The following KIF9 variants were observed in gnomAD, a reference collection of about 807,000 sequenced individuals.
KIF9 encodes kinesin-like protein KIF9.
A neutral mutation model predicts 94.8 loss-of-function variants in KIF9; 68 were observed. The ratio of observed to expected loss-of-function variants is 0.72; its 90% CI spans 0.59 to 0.88. The LOEUF is 0.88. KIF9 is among the 40% of genes least tolerant of loss of function. The pLI, the probability that KIF9 is intolerant of heterozygous loss-of-function variation, is 0.00. For synonymous variants in KIF9, 343 were observed against 362.1 expected, an observed-to-expected ratio of 0.95 and a Z score of 0.60; for missense variants, 882 against 982.5, an observed-to-expected ratio of 0.90 and a Z score of 1.37.
chr3:47,260,307 G>GA (rs1700885228), intron 9 of KIF9, among the ~76,000 whole-genome samples: 1 of 150,412 alleles, frequency 6.6e-6, no homozygotes, highest in African/African-American at 2.5e-5. Context: ...CCCTCTTCGA[G>GA]AAACACCCAC....
intron 5 of KIF9, 68 bp downstream of exon 5, chr3:47,271,169 G>T: frequency 1.1e-6 from 1 of 932,036 alleles, no homozygotes; most frequent in Non-Finnish European, 1.6e-6. Context: ...AAAAGAAAAA[G>T]AAAAGCTGAG....
intron 17 of KIF9, 137 bp from the exon 18 acceptor site, chr3:47,236,756 G>A: frequency 1.4e-6 from 1 of 725,618 alleles, no homozygotes; most frequent in Non-Finnish European, 2.3e-6. Context: ...CCCATGGCAA[G>A]GAGATGGGCA....
At chr3:47,273,454 T>C (rs1701768822) in intron 4 of KIF9, 98 bp downstream of exon 4, 4 of 879,560 alleles carry the variant, frequency 4.5e-6, no homozygotes, top group Non-Finnish European at 7.1e-6. Flanking sequence ...CTTTGAGGCC[T>C]GGTCCCCACT....
chr3:47,256,499 GCC>G (rs1700611459), intron 10 of KIF9, among the ~76,000 whole-genome samples: 1 of 151,248 alleles, frequency 6.6e-6, no homozygotes, highest in East Asian at 2.0e-4. Context: ...CAGGCCAGCC[GCC>G]CCGTCTGGGA....
At chr3:47,244,995 A>T in intron 14 of KIF9, 71 bp from the exon 15 acceptor site, 6 of 1,586,654 alleles carry the variant, frequency 3.8e-6, no homozygotes, top group Non-Finnish European at 5.2e-6. Context: ...ACCCACATGT[A>T]TATGGCCCAA....
chr3:47,253,794 G>A (rs1196401496), intron 10 of KIF9, among the ~76,000 whole-genome samples: 1 of 152,096 alleles, frequency 6.6e-6, no homozygotes, highest in Admixed American at 6.5e-5. Context: ...CCCTGTTAAA[G>A]GATATTATGT....
At position 47,250,976 on chromosome 3, in the gene KIF9, T is replaced by C. The variant is rs549855843; in HGVS notation, c.1060-2890A>G. On this transcript the variant is annotated intron_variant, in intron 10 of 20. Transcript: ENST00000684063. ...AACCCCTGGCATCCTGATGGCTCTGTGGCAATTCAGGCACAAAGCCTGGGA... is the reference window on the plus strand; with the variant it reads ...AACCCCTGGCATCCTGATGGCTCTGCGGCAATTCAGGCACAAAGCCTGGGA... Among the ~76,000 whole-genome samples the C allele has an allele frequency of 2.2e-4, 33 of 152,324 alleles. 1 individual carries two copies. Among genetic ancestry groups the C allele is most frequent in the African/African-American group, 7.5e-4 (31 of 41,576 alleles).
At chr3:47,282,075 C>T in intron 1 of KIF9, 1 of 422,156 alleles carries the variant, frequency 2.4e-6, no homozygotes, top group Non-Finnish European at 3.2e-6. Flanking sequence ...CGGACCCCCG[C>T]GTGGAGCCTG....
intron 20 of KIF9, among the ~76,000 whole-genome samples, chr3:47,234,570 T>G (rs1227575437): frequency 7.0e-6 from 1 of 143,090 alleles, no homozygotes; most frequent in East Asian, 2.1e-4. Flanking sequence ...TTTCTTTTTT[T>G]TTGAGATAGA....
At chr3:47,245,360 C>A in intron 14 of KIF9, 61 bp downstream of exon 14, 1 of 1,272,718 alleles carries the variant, frequency 7.9e-7, no homozygotes, top group Non-Finnish European at 1.2e-6. Context: ...GCTGGCTCTG[C>A]AAAGGTCTGA....
intron 20 of KIF9, among the ~76,000 whole-genome samples, chr3:47,233,361 C>CAAAA (rs966425803): frequency 3.8e-5 from 1 of 26,310 alleles, no homozygotes. Flanking sequence ...GACTCTGTCT[C>CAAAA]AAAAAAAAAA....
chr3:47,230,509 G>T (rs1698484701), intron 20 of KIF9, among the ~76,000 whole-genome samples: 1 of 152,152 alleles, frequency 6.6e-6, no homozygotes, highest in African/African-American at 2.4e-5. Context: ...GAGGCGGGTG[G>T]ATCACCCGAG....
In KIF9 at chr3:47,275,332, G is replaced by A; in HGVS notation, c.252C>T (p.Gly84=). ...TTTAATTAATTAAGTTACCATTATA[G>A]CCATCGAGGGCCTGAGAAACCACAT... is the stretch of plus-strand genomic sequence containing the variant. ...AKDVVSQALD[G]YNGTIMCYGQ... Residue 84 remains glycine, a synonymous_variant, in exon 3 of 21, where the codon GGC becomes GGT. Transcript: ENST00000684063. 2 of 1,608,382 alleles carry A rather than the reference G, an allele frequency of 1.2e-6. No homozygotes were observed. Among genetic ancestry groups the A allele is most frequent in the African/African-American group, 1.3e-5 (1 of 74,718 alleles).
intron 12 of KIF9, among the ~76,000 whole-genome samples, chr3:47,247,113 G>A (rs541363503): frequency 2.0e-5 from 3 of 152,286 alleles, no homozygotes; most frequent in East Asian, 1.9e-4. Context: ...TGAAGTACAC[G>A]AGGTTGAGTA....
chr3:47,234,250 G>A (rs78014159), intron 20 of KIF9, among the ~76,000 whole-genome samples: 118 of 149,548 alleles, frequency 7.9e-4, no homozygotes, highest in African/African-American at 2.8e-3. Context: ...TTTTTTTTTG[G>A]AGACGGAGTC....
chr3:47,249,306 C>T (rs1466858953), intron 10 of KIF9, among the ~76,000 whole-genome samples: 8 of 151,816 alleles, frequency 5.3e-5, no homozygotes, highest in African/African-American at 1.7e-4. Context: ...CCACCACGCC[C>T]GGCTAATTTT....
rs1559418967 is a variant in KIF9, at chr3:47,235,541, TAGA to T, written c.2291_2293del (p.Phe764del). 2.5e-6 allele frequency: 4 copies of T among 1,613,838 alleles called. No individual in the cohort carries two copies. The highest frequency in any genetic ancestry group is 2.7e-5 in the African/African-American group (2 of 74,892). Reference sequence around the variant, plus strand: ...CTGCTCTATCTTGACTTTGGCATTGTAGAAGGAGATGGAATCAGGGCCCTCAGG... The same window carrying T: ...CTGCTCTATCTTGACTTTGGCATTGTAGGAGATGGAATCAGGGCCCTCAGG... On this transcript the variant is annotated inframe_deletion, in exon 20 of 21. Coordinates refer to ENST00000684063, the MANE Select transcript of KIF9 (RefSeq NM_182902.4).
chr3:47,279,545 A>G (rs1702190654), intron 1 of KIF9, among the ~76,000 whole-genome samples: 1 of 152,080 alleles, frequency 6.6e-6, no homozygotes, highest in Non-Finnish European at 1.5e-5. Flanking sequence ...CTCATGTATA[A>G]CAGGGACTAC....
rs748566247 is a variant in KIF9 at position 47,244,972 on chromosome 3, G to A, written c.1381-48C>T. On this transcript the variant is annotated intron_variant, in intron 14 of 20. Transcript: ENST00000684063. Reference sequence around the variant, plus strand: ...GGTCTGTGAGTTAGATTAAGGGCTTGGACCCCTTGGGGACCCACATGTATA... The same window carrying A: ...GGTCTGTGAGTTAGATTAAGGGCTTAGACCCCTTGGGGACCCACATGTATA... 2.5e-6 allele frequency: 4 copies of A among 1,606,372 alleles called. No homozygotes were observed. In the South Asian group the frequency reaches 4.4e-5, roughly 18 times the overall value.
Sources: allele counts gnomAD v4.1 joint callset (sites outside exome capture counted in the v4.1 genomes callset), GRCh38; gene constraint gnomAD v4.1.1; transcripts MANE v1.5; gene names NCBI Gene and HGNC (gene_info 2026-07-23, HGNC 2026-07-21).